FMN1: variants seen among roughly 807,000 people sequenced by gnomAD.
FMN1 encodes the protein formin 1, also known as formin-1.
A neutral mutation model predicts 132.4 loss-of-function variants in FMN1; 110 were observed. That is an observed-to-expected ratio of 0.83 (90% CI 0.71 to 0.97). The LOEUF (loss-of-function observed/expected upper bound fraction) is 0.97. Among genes scored for constraint, FMN1 ranks in the 50% least tolerant of loss-of-function variants. The pLI, the probability that FMN1 is intolerant of heterozygous loss-of-function variation, is 0.00. For synonymous variants in FMN1, 722 were observed against 651.7 expected (o/e 1.11, Z -1.64); for missense variants, 1,792 against 1,705.3 (o/e 1.05, Z -0.90).
chr15:33,171,981 G>T (rs892184276), intron 3 of FMN1, among the ~76,000 whole-genome samples: 2 of 152,024 alleles, frequency 1.3e-5, no homozygotes, highest in Non-Finnish European at 2.9e-5. Context: ...AGGCCAAGGC[G>T]GGTGGATCAC....
At chr15:33,071,851 G>T (rs749970211) in intron 5 of FMN1, among the ~76,000 whole-genome samples, 13 of 152,182 alleles carry the variant, frequency 8.5e-5, no homozygotes, top group Non-Finnish European at 1.2e-4. Context: ...CTTGAAAAAT[G>T]AATCTCTTTA....
chr15:32,816,638 A>T (rs2058068730), intron 17 of FMN1, among the ~76,000 whole-genome samples: 1 of 152,112 alleles, frequency 6.6e-6, no homozygotes, highest in South Asian at 2.1e-4. Context: ...CTGTCCCCTG[A>T]CTCCCGACTA....
At chr15:33,146,553 GA>G (rs974957487) in intron 4 of FMN1, among the ~76,000 whole-genome samples, 1 of 151,210 alleles carries the variant, frequency 6.6e-6, no homozygotes, top group Non-Finnish European at 1.5e-5. Context: ...CCATGACTGT[GA>G]AAAAAAAATT....
intron 17 of FMN1, among the ~76,000 whole-genome samples, chr15:32,829,990 A>C (rs1447037230): frequency 6.6e-6 from 1 of 152,162 alleles, no homozygotes; most frequent in Non-Finnish European, 1.5e-5. Context: ...TTGAGAAAGC[A>C]AAATAACTAA....
rs534661023 is a variant in FMN1 at position 32,982,488 on chromosome 15, A to G, written c.2224-13011T>C. 4.6e-5 allele frequency among the ~76,000 whole-genome samples: 7 copies of G among 152,342 alleles called. No individual in the cohort carries two copies. In the East Asian group the frequency reaches 5.8e-4, roughly 13 times the overall value. ...ACTAATGTTTTTGGTAGCTTTATCA[A>G]TAATAGCCTGTGATGGTTAACTTTA... On this transcript the variant is annotated intron_variant, in intron 7 of 20. Transcript: ENST00000616417.
chr15:33,126,319 G>A (rs990327455), intron 4 of FMN1, among the ~76,000 whole-genome samples: 5 of 152,174 alleles, frequency 3.3e-5, no homozygotes, highest in Admixed American at 6.5e-5. Context: ...ATGGGCAACA[G>A]TCTAATAGAG....
chr15:33,127,362 T>A (rs970066735), intron 4 of FMN1, among the ~76,000 whole-genome samples: 24 of 150,644 alleles, frequency 1.6e-4, no homozygotes, highest in South Asian at 1.1e-3. Context: ...ATAACTTGAC[T>A]CTGTTCATAC....
Position 32,961,862 on chromosome 15 carries a change from T to TC in FMN1, c.3138+2244dup, listed in dbSNP as rs748011970. Among the ~76,000 whole-genome samples the TC allele has an allele frequency of 2.0e-5, 3 of 152,178 alleles. No homozygotes were observed. In the East Asian group the frequency reaches 5.8e-4, roughly 29 times the overall value. On this transcript the variant is annotated intron_variant, in intron 9 of 20. Transcript: ENST00000616417. ...GAGGTGTGATTCGTCCTCATGGTTG[T>TC]CTCTGACTGCCTGACAGTCCTAAAC...
chr15:33,015,893 T>C (rs953863747), intron 6 of FMN1, among the ~76,000 whole-genome samples: 14 of 152,334 alleles, frequency 9.2e-5, no homozygotes, highest in African/African-American at 3.4e-4. Flanking sequence ...ATTTCACTGA[T>C]AATGCTTCCC....
chr15:33,191,508 A>G (rs1966078347), intron 2 of FMN1, among the ~76,000 whole-genome samples: 1 of 152,206 alleles, frequency 6.6e-6, no homozygotes, highest in African/African-American at 2.4e-5. Context: ...TCTCTCCCTC[A>G]TCCTCAAACA....
At chr15:33,040,333 G>C (rs535597031) in intron 6 of FMN1, among the ~76,000 whole-genome samples, 13 of 152,238 alleles carry the variant, frequency 8.5e-5, no homozygotes, top group South Asian at 6.2e-4. Context: ...TAGAATGTTT[G>C]ATTGAACTTA....
intron 3 of FMN1, among the ~76,000 whole-genome samples, chr15:33,169,429 T>C (rs549518594): frequency 6.6e-6 from 1 of 152,280 alleles, no homozygotes; most frequent in East Asian, 1.9e-4. Context: ...ACTTCAAATT[T>C]GATTGAAGGA....
At chr15:33,115,618 G>C (rs2039895400) in intron 4 of FMN1, among the ~76,000 whole-genome samples, 1 of 148,790 alleles carries the variant, frequency 6.7e-6, no homozygotes. Context: ...ACAATACACT[G>C]AGCACCTGAA....
At chr15:33,109,950 A>T (rs1288069990) in intron 4 of FMN1, among the ~76,000 whole-genome samples, 1 of 152,044 alleles carries the variant, frequency 6.6e-6, no homozygotes, top group Non-Finnish European at 1.5e-5. Context: ...AGTTAGCACC[A>T]GCACTTCACC....
chr15:33,015,626 C>T (rs1326436070), intron 6 of FMN1, among the ~76,000 whole-genome samples: 1 of 152,110 alleles, frequency 6.6e-6, no homozygotes, highest in East Asian at 1.9e-4. Flanking sequence ...CCCGCGGATC[C>T]TGATATGTCC....
chr15:32,961,225 C>T lies in FMN1; in HGVS notation c.3138+2882G>A, dbSNP rs112094800. Among the ~76,000 whole-genome samples, 31 of 150,488 alleles carry T rather than the reference C, an allele frequency of 2.1e-4. 2 individuals are homozygous for T. Among genetic ancestry groups the T allele is most frequent in the African/African-American group, 7.7e-4 (31 of 40,296 alleles). ...CTCAGCTCACTGCAACCTCTGCCTC[C>T]TGGGTTAAAGCGATTCTCCTGCCTC... On this transcript the variant is annotated intron_variant, in intron 9 of 20. Coordinates refer to ENST00000616417, the MANE Select transcript of FMN1 (RefSeq NM_001277313.2).
At chr15:32,784,330 T>C (rs941990548) in intron 19 of FMN1, among the ~76,000 whole-genome samples, 32 of 152,084 alleles carry the variant, frequency 2.1e-4, no homozygotes, top group African/African-American at 7.2e-4. Context: ...CTTTGTTTTA[T>C]ACATTGATGA....
rs115608287 is a variant in FMN1 at position 33,158,237 on chromosome 15, C to T, written c.-131-3192G>A. Among the ~76,000 whole-genome samples the T allele has an allele frequency of 9.0e-3, 1,376 of 152,096 alleles. 22 individuals carry two copies. Among genetic ancestry groups the T allele is most frequent in the African/African-American group, 0.032 (1,313 of 41,490 alleles). ...CTATATCCTTTATGAGAATTACAGA[C>T]ATGTAGTGCCTGTTTACAGGATTAA... is the stretch of plus-strand genomic sequence containing the variant. On this transcript the variant is annotated intron_variant, in intron 3 of 20. Coordinates refer to ENST00000616417, the MANE Select transcript of FMN1 (RefSeq NM_001277313.2).
intron 17 of FMN1, among the ~76,000 whole-genome samples, chr15:32,822,922 G>A (rs916750528): frequency 2.6e-5 from 4 of 152,032 alleles, no homozygotes; most frequent in Non-Finnish European, 4.4e-5. Flanking sequence ...GCTTTCCTCT[G>A]TTGTTGATTC....
Sources: gnomAD v4.1 joint callset for allele counts (sites outside exome capture counted in the v4.1 genomes callset) on GRCh38, gnomAD v4.1.1 for gene constraint, MANE v1.5 for transcripts, NCBI Gene and HGNC (gene_info 2026-07-23, HGNC 2026-07-21) for gene names.